The following MSX2 variants were observed in gnomAD, a reference collection of about 807,000 sequenced individuals.
The protein encoded by MSX2 is homeobox protein MSX-2.
In MSX2, 10 loss-of-function variants were observed where a neutral mutation model predicts 18.4. The ratio of observed to expected loss-of-function variants is 0.54; its 90% CI spans 0.34 to 0.92. The LOEUF (loss-of-function observed/expected upper bound fraction) is 0.92. Among genes scored for constraint, MSX2 ranks in the 40% least tolerant of loss-of-function variants. The pLI is 0.02. For synonymous variants in MSX2, 170 were observed against 165.6 expected (o/e 1.03, Z -0.20); for missense variants, 339 against 364.0 (o/e 0.93, Z 0.56).
intron 1 of MSX2, among the ~76,000 whole-genome samples, chr5:174,727,274 C>G (rs1760824337): frequency 6.6e-6 from 1 of 151,942 alleles, no homozygotes; most frequent in South Asian, 2.1e-4. Flanking sequence ...CTTCCTCTGG[C>G]TGGTTTAAAA....
rs760675746 is a variant in MSX2, at chr5:174,725,051, CG to C, written c.379+17del. 39 of 1,609,182 alleles carry C rather than the reference CG, an allele frequency of 2.4e-5. No individual in the cohort carries two copies. In the South Asian group the frequency reaches 3.8e-4, roughly 16 times the overall value. On this transcript the variant is annotated intron_variant, in intron 1 of 1. Coordinates refer to ENST00000239243, the MANE Select transcript of MSX2 (RefSeq NM_002449.5). Reference sequence around the variant, plus strand: ...TCGCCGCCGCCAAGTGAGTGCGCGCCGGGGCAGGAGTAGGAGGTAGCGCGGG... The same window carrying C: ...TCGCCGCCGCCAAGTGAGTGCGCGCCGGGCAGGAGTAGGAGGTAGCGCGGG...
chr5:174,724,890 G>T lies in MSX2; in HGVS notation c.231G>T (p.Arg77=), dbSNP rs759346366. Residue 77 remains arginine, a synonymous_variant, in exon 1 of 2, where the codon CGG becomes CGT. Transcript: ENST00000239243. Reference sequence around the variant, plus strand: ...GCGCCTCGGCCGGGGCCACCCTGCGGCCACTGCTGCTGTCGGGGCACGGCG... The same window carrying T: ...GCGCCTCGGCCGGGGCCACCCTGCGTCCACTGCTGCTGTCGGGGCACGGCG... ...AESASAGATL[R]PLLLSGHGAR... is the part of the protein sequence containing the mutation. 3 of 1,564,636 alleles carry T rather than the reference G, an allele frequency of 1.9e-6. No individual in the cohort carries two copies. In the East Asian group the frequency reaches 7.0e-5, roughly 36 times the overall value.
rs1049368437 is a variant in MSX2 at position 174,730,126 on chromosome 5, A to C, written c.*543A>C. On this transcript the variant is annotated 3_prime_UTR_variant, in exon 2 of 2. Transcript: ENST00000239243. ...AGAAAATATTAGATATGGAGAGATTATTCAAAGTGAAGGGGACACATCATA... is the reference window on the plus strand; with the variant it reads ...AGAAAATATTAGATATGGAGAGATTCTTCAAAGTGAAGGGGACACATCATA... The C allele has an allele frequency of 2.6e-5, 4 of 152,242 alleles. No homozygotes were observed. Among genetic ancestry groups the C allele is most frequent in the African/African-American group, 7.2e-5 (3 of 41,456 alleles). The allele number at this position is 152,242 out of a possible 1,614,324, so 9.4% of individuals were successfully genotyped here.
In MSX2 at chr5:174,724,930, A is replaced by T. The variant is rs751966362; in HGVS notation, c.271A>T (p.Ser91Cys). 1.9e-6 allele frequency: 3 copies of T among 1,583,128 alleles called. No individual in the cohort carries two copies. Among genetic ancestry groups the T allele is most frequent in the Non-Finnish European group, 2.6e-6 (3 of 1,167,142 alleles). ...LSGHGAREAH[S>C]PGPLVKPFET... ...GGGGCACGGCGCTCGGGAAGCGCAC[A>T]GCCCCGGGCCGCTGGTGAAGCCCTT... The change falls in exon 1 of 2, where the codon AGC becomes TGC. Residue 91 changes from serine (S) to cysteine (C), a missense_variant. Coordinates refer to ENST00000239243, the MANE Select transcript of MSX2 (RefSeq NM_002449.5).
chr5:174,726,294 C>A (rs1561641693), intron 1 of MSX2, among the ~76,000 whole-genome samples: 1 of 152,126 alleles, frequency 6.6e-6, no homozygotes, highest in Non-Finnish European at 1.5e-5. Flanking sequence ...CTATTTACAT[C>A]ATTCAGCCCT....
In MSX2 at chr5:174,724,890, G is replaced by A. The variant is rs759346366; in HGVS notation, c.231G>A (p.Arg77=). ...GCGCCTCGGCCGGGGCCACCCTGCG[G>A]CCACTGCTGCTGTCGGGGCACGGCG... ...AESASAGATL[R]PLLLSGHGAR... The change falls in exon 1 of 2, where the codon CGG becomes CGA. Residue 77 remains arginine (R), a synonymous_variant. Transcript: ENST00000239243. 6.4e-6 allele frequency: 10 copies of A among 1,564,520 alleles called. No homozygotes were observed. The highest frequency in any genetic ancestry group is 8.7e-6 in the Non-Finnish European group (10 of 1,155,356).
At chr5:174,729,057 G>T in intron 1 of MSX2, 102 bp from the exon 2 acceptor site, 1 of 1,248,676 alleles carries the variant, frequency 8.0e-7, no homozygotes, top group South Asian at 1.4e-5. Flanking sequence ...GGGGAGGCCC[G>T]AAAGGAAAAA....
rs1388920439 is a variant in MSX2, at chr5:174,729,965, GAC to G, written c.*385_*386del. 2 of 151,974 alleles carry G rather than the reference GAC, an allele frequency of 1.3e-5. No individual in the cohort carries two copies. The highest frequency in any genetic ancestry group is 4.8e-5 in the African/African-American group (2 of 41,316). The allele number at this position is 151,974 out of a possible 1,614,324, so 9.4% of individuals were successfully genotyped here. Reference sequence around the variant, plus strand: ...TTTTCTATATCTCACCTTCCCAAAAGACACTGTGTAAGTCCATTTGTTGTATT... The same window carrying G: ...TTTTCTATATCTCACCTTCCCAAAAGACTGTGTAAGTCCATTTGTTGTATT... On this transcript the variant is annotated 3_prime_UTR_variant, in exon 2 of 2. Coordinates refer to ENST00000239243, the MANE Select transcript of MSX2 (RefSeq NM_002449.5).
rs756385707 is a variant in MSX2 at position 174,729,550 on chromosome 5, G to A, written c.771G>A (p.Thr257=). 5 of 1,612,798 alleles carry A rather than the reference G, an allele frequency of 3.1e-6. No individual in the cohort carries two copies. Among genetic ancestry groups the A allele is most frequent in the Admixed American group, 1.7e-5 (1 of 59,990 alleles). Residue 257 remains threonine, a synonymous_variant, in exon 2 of 2, where the codon ACG becomes ACA. Transcript: ENST00000239243. ...LPIPPVGLYA[T]PVGYGMYHLS ...TCCCGCCTGTGGGACTCTATGCCAC[G>A]CCAGTGGGATATGGCATGTACCACC...
intron 1 of MSX2, among the ~76,000 whole-genome samples, chr5:174,727,182 G>C (rs1379836045): frequency 6.6e-6 from 1 of 152,190 alleles, no homozygotes; most frequent in Non-Finnish European, 1.5e-5. Context: ...AGCCTGGGGC[G>C]AGAGGGAGCT....
chr5:174,726,217 A>C (rs796706552), intron 1 of MSX2, among the ~76,000 whole-genome samples: 3 of 151,874 alleles, frequency 2.0e-5, no homozygotes, highest in Admixed American at 2.0e-4. Context: ...GCCATCCCCT[A>C]CCTGTAGGAA....
rs1178159135 is a variant in MSX2, at chr5:174,730,591, A to G, written c.*1008A>G. The G allele has an allele frequency of 1.3e-5, 2 of 148,334 alleles. No homozygotes were observed. Among genetic ancestry groups the G allele is most frequent in the African/African-American group, 5.0e-5 (2 of 40,120 alleles). The allele number at this position is 148,334 out of a possible 1,614,324, so 9.2% of individuals were successfully genotyped here. ...AGTAGATCCAGAAAGAAAAAAAAAT[A>G]TGCTTTCTCTGTGTGTGTACCTGTT... is the stretch of plus-strand genomic sequence containing the variant. On this transcript the variant is annotated 3_prime_UTR_variant, in exon 2 of 2. Transcript: ENST00000239243.
rs1760890292 is a variant in MSX2 at position 174,729,922 on chromosome 5, T to C, written c.*339T>C. 1 of 152,850 alleles carries C rather than the reference T, an allele frequency of 6.5e-6. No homozygotes were observed. The highest frequency in any genetic ancestry group is 2.1e-4 in the South Asian group (1 of 4,838). The allele number at this position is 152,850 out of a possible 1,614,324, so 9.5% of individuals were successfully genotyped here. Reference sequence around the variant, plus strand: ...TCAAATTATTTTAAAAGGCAAAATTTATATACATATGTGCTTTTTTTCTAT... The same window carrying C: ...TCAAATTATTTTAAAAGGCAAAATTCATATACATATGTGCTTTTTTTCTAT... On this transcript the variant is annotated 3_prime_UTR_variant, in exon 2 of 2. Transcript: ENST00000239243.
Position 174,724,729 on chromosome 5 carries a change from C to G in MSX2, c.70C>G (p.Pro24Ala). 2 of 1,589,534 alleles carry G rather than the reference C, an allele frequency of 1.3e-6. No individual in the cohort carries two copies. Among genetic ancestry groups the G allele is most frequent in the Middle Eastern group, 2.0e-4 (1 of 5,126 alleles). Residue 24 changes from proline to alanine, a missense_variant, in exon 1 of 2, where the codon CCA becomes GCA. By Grantham distance (27) the Pro-to-Ala change is conservative. This residue lies in a region of MSX2 where 211 missense variants were observed against 185.4 expected (regional missense o/e 1.14). Coordinates refer to ENST00000239243, the MANE Select transcript of MSX2 (RefSeq NM_002449.5). ...DEEGPAVVAG[P>A]GPGPGGAEGA... ...GGAGGGCCCAGCAGTGGTGGCCGGACCAGGCCCGGGGCCTGGGGGCGCCGA... is the reference window on the plus strand; with the variant it reads ...GGAGGGCCCAGCAGTGGTGGCCGGAGCAGGCCCGGGGCCTGGGGGCGCCGA...
chr5:174,725,129 C>G, intron 1 of MSX2, 91 bp downstream of exon 1: 3 of 1,525,262 alleles, frequency 2.0e-6, no homozygotes, highest in South Asian at 1.3e-5. Flanking sequence ...TACCGAGACC[C>G]TTCTGCGTGC....
intron 1 of MSX2, among the ~76,000 whole-genome samples, chr5:174,727,456 A>G (rs968538607): frequency 9.2e-5 from 14 of 152,144 alleles, no homozygotes; most frequent in African/African-American, 3.4e-4. Context: ...AACCCCACGT[A>G]GAGCCAGGAG....
At chr5:174,727,472 G>GTAT (rs1760828974) in intron 1 of MSX2, among the ~76,000 whole-genome samples, 2 of 152,168 alleles carry the variant, frequency 1.3e-5, no homozygotes, top group African/African-American at 4.8e-5. Flanking sequence ...AGGAGCAAGA[G>GTAT]TATATACACG....
Position 174,724,913 on chromosome 5 carries a change from G to A in MSX2, c.254G>A (p.Gly85Asp), listed in dbSNP as rs1180890060. ...TLRPLLLSGHGAREAHSPGPL... is the reference protein window; with the variant it reads ...TLRPLLLSGHDAREAHSPGPL... ...CGGCCACTGCTGCTGTCGGGGCACG[G>A]CGCTCGGGAAGCGCACAGCCCCGGG... is the stretch of plus-strand genomic sequence containing the variant. Residue 85 changes from glycine to aspartate, a missense_variant, in exon 1 of 2, where the codon GGC becomes GAC. Around this residue, in one of 2 missense-constraint regions of MSX2, gnomAD observed 211 missense variants for 185.4 expected, o/e 1.14. Coordinates refer to ENST00000239243, the MANE Select transcript of MSX2 (RefSeq NM_002449.5). The A allele has an allele frequency of 3.6e-5, 57 of 1,575,504 alleles. No individual in the cohort carries two copies. The highest frequency in any genetic ancestry group is 4.8e-5 in the Non-Finnish European group (56 of 1,162,418).
chr5:174,727,918 G>A (rs1581519094), intron 1 of MSX2, among the ~76,000 whole-genome samples: 1 of 152,308 alleles, frequency 6.6e-6, no homozygotes, highest in South Asian at 2.1e-4. Flanking sequence ...ATACATTAGA[G>A]TTAATACTGT....
Sources: gnomAD v4.1 joint callset for allele counts (sites outside exome capture counted in the v4.1 genomes callset) on GRCh38, gnomAD v4.1.1 for gene constraint, gnomAD v4.1.1 regional missense constraint, MANE v1.5 for transcripts, NCBI Gene and HGNC (gene_info 2026-07-23, HGNC 2026-07-21) for gene names.